Variants in CSMD2 observed in about 807,000 individuals in gnomAD.
CSMD2 encodes CUB and Sushi multiple domains 2.
A neutral mutation model predicts 398.5 loss-of-function variants in CSMD2; 130 were observed. The observed-to-expected ratio is 0.33, with a 90% confidence interval of 0.28 to 0.38. The LOEUF is 0.38. Ranked by LOEUF, CSMD2 falls within the 10% of genes least tolerant of loss-of-function variation. CSMD2 has a pLI of 1.00. For synonymous variants in CSMD2, 1,828 were observed against 1,908.5 expected, an observed-to-expected ratio of 0.96 and a Z score of 1.10; for missense variants, 3,829 against 4,764.9, an observed-to-expected ratio of 0.80 and a Z score of 5.78.
intron 3 of CSMD2, among the ~76,000 whole-genome samples, chr1:33,964,220 C>T (rs55948140): frequency 0.053 from 7,808 of 146,382 alleles, 300 homozygotes; most frequent in East Asian, 0.17. Context: ...GGCTCTACCA[C>T]TTCCTAGATG....
chr1:33,817,543 G>GA (rs1265197905), intron 9 of CSMD2, among the ~76,000 whole-genome samples: 1 of 152,190 alleles, frequency 6.6e-6, no homozygotes, highest in Admixed American at 6.5e-5. Context: ...ATTGCAATAG[G>GA]ATTAGACAAG....
chr1:33,556,016 C>T (rs1030162037), intron 55 of CSMD2, among the ~76,000 whole-genome samples: 1 of 152,000 alleles, frequency 6.6e-6, no homozygotes, highest in African/African-American at 2.4e-5. Flanking sequence ...ATTGGAGGAT[C>T]TCACTCCTCC....
chr1:33,996,019 CAACA>C (rs1558221131), intron 3 of CSMD2, among the ~76,000 whole-genome samples: 1 of 152,108 alleles, frequency 6.6e-6, no homozygotes, highest in Admixed American at 6.5e-5. Flanking sequence ...ACAATAGACA[CAACA>C]AACAAAGAAC....
chr1:34,135,185 G>A (rs973104032), intron 1 of CSMD2, among the ~76,000 whole-genome samples: 4 of 148,270 alleles, frequency 2.7e-5, no homozygotes, highest in Admixed American at 6.7e-5. Flanking sequence ...TTTATCAAAT[G>A]CATATATCCT....
rs145413689 is a variant in CSMD2 at position 34,108,091 on chromosome 1, C to T, written c.188-18898G>A. Among the ~76,000 whole-genome samples, 9 of 152,258 alleles carry T rather than the reference C, an allele frequency of 5.9e-5. No homozygotes were observed. The East Asian group carries it at 1.7e-3, about 30-fold the overall frequency. ...TAATTTGTCTGCTTGTCAACGGTGT[C>T]TTTCTTTTTTCTTTTCATTTGTTTC... is the stretch of plus-strand genomic sequence containing the variant. On this transcript the variant is annotated intron_variant, in intron 1 of 70. Transcript: ENST00000373381.
At position 33,739,149 on chromosome 1, in the gene CSMD2, G is replaced by A. The variant is rs775301649; in HGVS notation, c.2359C>T (p.Arg787Trp). 5 of 1,612,062 alleles carry A rather than the reference G, an allele frequency of 3.1e-6. No individual in the cohort carries two copies. The highest frequency in any genetic ancestry group is 4.2e-6 in the Non-Finnish European group (5 of 1,179,194). The change falls in exon 15 of 71, where the codon CGG (arginine) becomes TGG (tryptophan). Residue 787 changes from arginine (R) to tryptophan (W), a missense_variant. Arg to Trp is a moderately radical substitution (Grantham distance 101). Coordinates refer to ENST00000373381, the MANE Select transcript of CSMD2 (RefSeq NM_001281956.2). ...GCCTGCAGGCTCGTACCTTCACACC[G>A]CAGCACAGCGCTGTTCCAGACCACG... is the stretch of plus-strand genomic sequence containing the variant. ...GSVVWNSAVL[R>W]CEAPCGGHLT...
At chr1:33,751,598 G>A (rs529850169) in intron 13 of CSMD2, among the ~76,000 whole-genome samples, 1 of 152,134 alleles carries the variant, frequency 6.6e-6, no homozygotes, top group East Asian at 1.9e-4. Context: ...CCTGCAAGGA[G>A]ATGAGAGTGT....
chr1:33,610,394 C>T (rs1338999906), intron 41 of CSMD2, among the ~76,000 whole-genome samples: 2 of 152,168 alleles, frequency 1.3e-5, no homozygotes, highest in Non-Finnish European at 2.9e-5. Flanking sequence ...GGACCATGTA[C>T]AGCTGCACAG....
chr1:34,000,425 C>T (rs753704646), intron 3 of CSMD2, among the ~76,000 whole-genome samples: 15 of 152,150 alleles, frequency 9.9e-5, no homozygotes, highest in African/African-American at 3.1e-4. Flanking sequence ...CCCCAAACCA[C>T]CACACGCAGC....
chr1:33,587,377 G>GC (rs1471859349), intron 44 of CSMD2, among the ~76,000 whole-genome samples: 3 of 152,104 alleles, frequency 2.0e-5, no homozygotes, highest in Non-Finnish European at 4.4e-5. Flanking sequence ...CAAAAGAGGG[G>GC]CAATCTAAGG....
At chr1:34,122,653 G>C (rs1662313619) in intron 1 of CSMD2, among the ~76,000 whole-genome samples, 1 of 151,918 alleles carries the variant, frequency 6.6e-6, no homozygotes, top group South Asian at 2.1e-4. Context: ...AATTTTCATA[G>C]AGCCTCCTCC....
At chr1:33,773,250 C>T (rs1389376979) in intron 12 of CSMD2, among the ~76,000 whole-genome samples, 1 of 152,198 alleles carries the variant, frequency 6.6e-6, no homozygotes, top group African/African-American at 2.4e-5. Flanking sequence ...CAAGATGACA[C>T]AGCAGTTGAG....
At chr1:33,686,264 C>G (rs1645059404) in intron 25 of CSMD2, among the ~76,000 whole-genome samples, 1 of 152,192 alleles carries the variant, frequency 6.6e-6, no homozygotes, top group African/African-American at 2.4e-5. Context: ...ACAAAACCCT[C>G]CAGCTCAACA....
intron 1 of CSMD2, among the ~76,000 whole-genome samples, chr1:34,091,465 A>T (rs1358974260): frequency 1.3e-5 from 2 of 152,204 alleles, no homozygotes; most frequent in Non-Finnish European, 2.9e-5. Context: ...TCACTGTTAC[A>T]CAAAGGTGGG....
intron 44 of CSMD2, chr1:33,600,424 T>C: frequency 1.8e-6 from 1 of 557,994 alleles, no homozygotes; most frequent in Non-Finnish European, 3.1e-6. Flanking sequence ...TTGTTCATAC[T>C]CTTCCTACTC....
chr1:33,709,473 T>C lies in CSMD2; in HGVS notation c.3407-215A>G, dbSNP rs538366321. On this transcript the variant is annotated intron_variant, in intron 21 of 70. Transcript: ENST00000373381. The stretch of plus-strand genomic sequence containing the variant: ...CCTACCTATGGTGCTGCCTGCTTTG[T>C]TTCTGTCTCTTGTGCTGTTTGTCTG... 11 of 554,006 alleles carry C rather than the reference T, an allele frequency of 2.0e-5. No individual in the cohort carries two copies. In the South Asian group the frequency reaches 2.4e-4, roughly 12 times the overall value. 34.3% of individuals were successfully genotyped at this position (554,006 alleles called of 1,614,324 possible).
At chr1:33,756,823 T>C (rs554730170) in intron 13 of CSMD2, among the ~76,000 whole-genome samples, 10 of 152,244 alleles carry the variant, frequency 6.6e-5, no homozygotes, top group East Asian at 5.8e-4. Flanking sequence ...ACCCAAAGGA[T>C]TATAAATCAT....
chr1:33,602,267 C>T (rs1640275149), intron 43 of CSMD2, 102 bp downstream of exon 43: 5 of 1,287,242 alleles, frequency 3.9e-6, no homozygotes, highest in Non-Finnish European at 5.5e-6. Flanking sequence ...AAACCATTCA[C>T]CTCTTGGTTT....
intron 5 of CSMD2, among the ~76,000 whole-genome samples, chr1:33,916,825 A>G (rs1243363595): frequency 7.9e-5 from 12 of 151,150 alleles, no homozygotes; most frequent in African/African-American, 2.7e-4. Flanking sequence ...TACCTAACAG[A>G]TAGATAGACA....
Sources: gnomAD v4.1 joint callset for allele counts (sites outside exome capture counted in the v4.1 genomes callset) on GRCh38, gnomAD v4.1.1 for gene constraint, MANE v1.5 for transcripts, NCBI Gene and HGNC (gene_info 2026-07-23, HGNC 2026-07-21) for gene names.